Variants in MDFI observed in about 807,000 individuals in gnomAD.
The protein encoded by MDFI is inhibitor of MyoD family a.
In MDFI, 16 loss-of-function variants were observed where a neutral mutation model predicts 22.3. The ratio of observed to expected loss-of-function variants is 0.72; its 90% CI spans 0.49 to 1.09. MDFI has a LOEUF of 1.09. Among genes scored for constraint, MDFI ranks in the 50% least tolerant of loss-of-function variants. The probability of loss-of-function intolerance (pLI) is 0.00; values close to 1 mark genes in which losing one functional copy is unlikely to be tolerated. For synonymous variants in MDFI, 145 were observed against 142.7 expected (o/e 1.02, Z -0.12); for missense variants, 314 against 326.1 (o/e 0.96, Z 0.29).
intron 4 of MDFI, among the ~76,000 whole-genome samples, chr6:41,651,707 G>A (rs1025002240): frequency 6.6e-6 from 1 of 152,142 alleles, no homozygotes; most frequent in African/African-American, 2.4e-5. Context: ...GGAGAACAGG[G>A]TTAGACCCTC....
Position 41,653,252 on chromosome 6 carries a change from C to T in MDFI, c.485-67C>T, listed in dbSNP as rs1185554929. ...CCGCTGCCGCAGGCCCCCACACCCC[C>T]GGCTATTTCACACACGCTCATCCCT... On this transcript the variant is annotated intron_variant, in intron 4 of 4. Transcript: ENST00000230321. The surrounding 1 kb of genome is among the most constrained non-coding windows in gnomAD (Gnocchi z 4.2). The T allele has an allele frequency of 1.6e-5, 24 of 1,547,544 alleles. No individual in the cohort carries two copies. Among genetic ancestry groups the T allele is most frequent in the East Asian group, 4.5e-5 (2 of 44,244 alleles).
chr6:41,640,624 C>A (rs1053451610), intron 2 of MDFI, among the ~76,000 whole-genome samples: 1 of 152,272 alleles, frequency 6.6e-6, no homozygotes, highest in Non-Finnish European at 1.5e-5. Context: ...ATCCCCCACG[C>A]TTTACTCCCT....
At chr6:41,652,508 G>A (rs890811195) in intron 4 of MDFI, among the ~76,000 whole-genome samples, 11 of 152,188 alleles carry the variant, frequency 7.2e-5, no homozygotes, top group African/African-American at 2.7e-4. Context: ...CCAGGTGGCA[G>A]TGGTCAAAGG....
At chr6:41,644,465 C>T (rs748821818) in intron 2 of MDFI, among the ~76,000 whole-genome samples, 1 of 152,174 alleles carries the variant, frequency 6.6e-6, no homozygotes, top group Admixed American at 6.5e-5. Context: ...GTGCTTCCCA[C>T]ATGGGGCCTC....
chr6:41,645,445 C>T (rs1454591571), intron 2 of MDFI, among the ~76,000 whole-genome samples: 4 of 152,092 alleles, frequency 2.6e-5, no homozygotes, highest in African/African-American at 9.7e-5. Context: ...TCCTTGTCCT[C>T]CTCCTGACTG....
upstream of MDFI, chr6:41,637,344 C>T (rs1228699592): frequency 6.6e-6 from 1 of 152,036 alleles, no homozygotes; most frequent in East Asian, 1.9e-4. The surrounding 1 kb of genome is among the most constrained non-coding windows in gnomAD (Gnocchi z 6.8). Context: ...TCCTGCGTCC[C>T]AGCTCTCCAC....
chr6:41,639,990 C>T (rs949643099), intron 2 of MDFI: 4 of 917,824 alleles, frequency 4.4e-6, no homozygotes, highest in South Asian at 5.0e-5. Flanking sequence ...AGATGTCTGG[C>T]CAACAGCCAG....
Position 41,638,681 on chromosome 6 carries a change from C to A in MDFI, c.-12+29C>A. The A allele has an allele frequency of 6.7e-7, 1 of 1,486,078 alleles. No homozygotes were observed. Among genetic ancestry groups the A allele is most frequent in the East Asian group, 2.5e-5 (1 of 40,430 alleles). 92.1% of individuals were successfully genotyped at this position (1,486,078 alleles called of 1,614,324 possible). On this transcript the variant is annotated intron_variant, in intron 1 of 4. Coordinates refer to ENST00000230321, the MANE Select transcript of MDFI (RefSeq NM_005586.4). The surrounding 1 kb of genome is among the most constrained non-coding windows in gnomAD (Gnocchi z 7.6). ...AGTGGACGTGGGAGGCGCGCATCTG[C>A]GGGGGAATCGCCCCTTGCCCGCCTC...
chr6:41,647,339 C>T (rs1415213513), intron 3 of MDFI, among the ~76,000 whole-genome samples: 1 of 152,232 alleles, frequency 6.6e-6, no homozygotes, highest in African/African-American at 2.4e-5. Flanking sequence ...CTGTCCACGT[C>T]GCCCAGATCC....
Position 41,638,944 on chromosome 6 carries a change from G to A in MDFI, c.76+119G>A. On this transcript the variant is annotated intron_variant, in intron 2 of 4. Coordinates refer to ENST00000230321, the MANE Select transcript of MDFI (RefSeq NM_005586.4). The surrounding 1 kb of genome is among the most constrained non-coding windows in gnomAD (Gnocchi z 7.6). ...GAGACCGTTCCAGGGAGCTTGGTGG[G>A]GGTAGGGACGAAAAGTCTGGGTTTG... The A allele has an allele frequency of 8.7e-7, 1 of 1,146,556 alleles. No individual in the cohort carries two copies. The highest frequency in any genetic ancestry group is 1.2e-6 in the Non-Finnish European group (1 of 832,672). 71.0% of individuals were successfully genotyped at this position (1,146,556 alleles called of 1,614,324 possible).
rs555948516 is a variant in MDFI, at chr6:41,643,342, A to G, written c.77-2784A>G. ...GGTGCCCGTCTTCTGTGCTTCCACC[A>G]TTCTTCCAGATGCCCCAGTGTAACT... is the stretch of plus-strand genomic sequence containing the variant. On this transcript the variant is annotated intron_variant, in intron 2 of 4. Coordinates refer to ENST00000230321, the MANE Select transcript of MDFI (RefSeq NM_005586.4). 4.4e-4 allele frequency among the ~76,000 whole-genome samples: 67 copies of G among 151,946 alleles called. 1 individual carries two copies. Among genetic ancestry groups the G allele is most frequent in the African/African-American group, 1.6e-3 (67 of 41,412 alleles).
intron 4 of MDFI, among the ~76,000 whole-genome samples, chr6:41,652,764 G>C (rs1490831197): frequency 6.6e-6 from 1 of 151,964 alleles, no homozygotes; most frequent in Non-Finnish European, 1.5e-5. Context: ...TTATAGGCGT[G>C]TGCCACCACG....
chr6:41,638,810 G>A lies in MDFI; in HGVS notation c.61G>A (p.Ala21Thr), dbSNP rs1183715557. 2.6e-6 allele frequency: 4 copies of A among 1,560,436 alleles called. No individual in the cohort carries two copies. Among genetic ancestry groups the A allele is most frequent in the Non-Finnish European group, 3.4e-6 (4 of 1,159,456 alleles). The change falls in exon 2 of 5, where the codon GCA becomes ACA. Residue 21 changes from alanine to threonine, a missense_variant. Transcript: ENST00000230321. The surrounding 1 kb of genome is among the most constrained non-coding windows in gnomAD (Gnocchi z 7.6). ...CGACGCGCCCTATGGAGCCCCCAGCGCAGCCCCGGGCCCAGGTAGGACCGG... is the reference window on the plus strand; with the variant it reads ...CGACGCGCCCTATGGAGCCCCCAGCACAGCCCCGGGCCCAGGTAGGACCGG... Reference protein sequence around the residue: ...GCDAPYGAPSAAPGPAQTLSL... With the variant: ...GCDAPYGAPSTAPGPAQTLSL...
At chr6:41,637,108 G>T (rs1047432082), upstream of MDFI, 1 of 152,172 alleles carries the variant, frequency 6.6e-6, no homozygotes, top group Non-Finnish European at 1.5e-5. This position sits in a 1 kb window ranked among gnomAD's most constrained non-coding sequence, Gnocchi z 6.8. Context: ...CTAGCAGCCC[G>T]GCCTGGGGGG....
At position 41,638,774 on chromosome 6, in the gene MDFI, C is replaced by T; in HGVS notation, c.25C>T (p.Pro9Ser). 3.2e-6 allele frequency: 5 copies of T among 1,571,382 alleles called. No individual in the cohort carries two copies. Among genetic ancestry groups the T allele is most frequent in the Non-Finnish European group, 4.3e-6 (5 of 1,164,606 alleles). Residue 9 changes from proline to serine, a missense_variant, in exon 2 of 5, where the codon CCC becomes TCC. Coordinates refer to ENST00000230321, the MANE Select transcript of MDFI (RefSeq NM_005586.4). The surrounding 1 kb of genome is among the most constrained non-coding windows in gnomAD (Gnocchi z 7.6). ...GATGTACCAGGTGAGCGGCCAGCGCCCCTCTGGCTGCGACGCGCCCTATGG... is the reference window on the plus strand; with the variant it reads ...GATGTACCAGGTGAGCGGCCAGCGCTCCTCTGGCTGCGACGCGCCCTATGG... MYQVSGQR[P>S]SGCDAPYGAP...
At chr6:41,637,628 C>T (rs1581821155), upstream of MDFI, among the ~76,000 whole-genome samples, 2 of 152,230 alleles carry the variant, frequency 1.3e-5, no homozygotes, top group Admixed American at 6.5e-5. The surrounding 1 kb of genome is among the most constrained non-coding windows in gnomAD (Gnocchi z 6.8). Context: ...CCTGAACCCT[C>T]TTGGACTGCC....
At chr6:41,650,373 C>T (rs1380816877) in intron 4 of MDFI, among the ~76,000 whole-genome samples, 3 of 152,152 alleles carry the variant, frequency 2.0e-5, no homozygotes, top group Non-Finnish European at 4.4e-5. Context: ...GCAGCCAGTC[C>T]CCTCCTCATC....
intron 3 of MDFI, among the ~76,000 whole-genome samples, chr6:41,649,321 C>A (rs536017041): frequency 6.6e-6 from 1 of 152,354 alleles, no homozygotes; most frequent in African/African-American, 2.4e-5. Context: ...GGAGAATGGA[C>A]TTTGTGTGAG....
At chr6:41,651,081 C>T (rs112878520) in intron 4 of MDFI, among the ~76,000 whole-genome samples, 25 of 151,656 alleles carry the variant, frequency 1.6e-4, no homozygotes, top group African/African-American at 5.8e-4. Flanking sequence ...GCGGTGGGCG[C>T]CTGTAATCCC....
Sources: allele counts gnomAD v4.1 joint callset (sites outside exome capture counted in the v4.1 genomes callset), GRCh38; gene constraint gnomAD v4.1.1; non-coding constraint Gnocchi (gnomAD v3.1); transcripts MANE v1.5; gene names NCBI Gene and HGNC (gene_info 2026-07-23, HGNC 2026-07-21).